The following FRMD4A variants were observed in gnomAD, a reference collection of about 807,000 sequenced individuals.
FRMD4A encodes the protein FERM domain containing 4A, also known as FERM domain-containing protein 4A.
In FRMD4A, 29 loss-of-function variants were observed where a neutral mutation model predicts 129.1. The ratio of observed to expected loss-of-function variants is 0.22; its 90% CI spans 0.17 to 0.31. The LOEUF (loss-of-function observed/expected upper bound fraction) is 0.31, where lower values mean the gene tolerates loss of function less well. FRMD4A is among the 10% of genes least tolerant of loss of function. The pLI is 1.00. For synonymous variants in FRMD4A, 634 were observed against 571.6 expected, an observed-to-expected ratio of 1.11 and a Z score of -1.56; for missense variants, 1,272 against 1,375.8, an observed-to-expected ratio of 0.92 and a Z score of 1.19.
At chr10:14,107,867 T>C (rs922893535) in intron 2 of FRMD4A, among the ~76,000 whole-genome samples, 5 of 152,230 alleles carry the variant, frequency 3.3e-5, no homozygotes, top group African/African-American at 1.2e-4. Flanking sequence ...TTTTGGGTTA[T>C]TCCAGGTTGC....
At chr10:14,243,475 T>C (rs1486558488) in intron 2 of FRMD4A, among the ~76,000 whole-genome samples, 2 of 152,170 alleles carry the variant, frequency 1.3e-5, no homozygotes, top group African/African-American at 2.4e-5. Context: ...ATCAAACCTC[T>C]TTTTTTAAAT....
chr10:13,685,748 G>C, intron 15 of FRMD4A: 1 of 409,634 alleles, frequency 2.4e-6, no homozygotes, highest in Non-Finnish European at 3.3e-6. Context: ...TTTGAGGCTG[G>C]AGTGAGCTAG....
At chr10:13,876,248 A>G (rs2094488129) in intron 2 of FRMD4A, among the ~76,000 whole-genome samples, 1 of 152,216 alleles carries the variant, frequency 6.6e-6, no homozygotes, top group Non-Finnish European at 1.5e-5. Context: ...TTCCAAGAAA[A>G]TATATTCATT....
At chr10:13,815,757 A>G (rs2093532283) in intron 3 of FRMD4A, among the ~76,000 whole-genome samples, 1 of 152,160 alleles carries the variant, frequency 6.6e-6, no homozygotes, top group African/African-American at 2.4e-5. Flanking sequence ...GACATTATGG[A>G]TTTATACATC....
chr10:14,081,722 C>G (rs1835939933), intron 2 of FRMD4A, among the ~76,000 whole-genome samples: 1 of 152,182 alleles, frequency 6.6e-6, no homozygotes. Flanking sequence ...TTGATCCCTG[C>G]TGCCCTCCTA....
intron 6 of FRMD4A, among the ~76,000 whole-genome samples, chr10:13,780,107 A>C (rs769461628): frequency 7.2e-5 from 11 of 152,254 alleles, no homozygotes; most frequent in Non-Finnish European, 1.3e-4. Context: ...GGATGGATCA[A>C]CTTGAGGTCA....
At chr10:13,779,476 C>T (rs1358163941) in intron 6 of FRMD4A, among the ~76,000 whole-genome samples, 1 of 152,186 alleles carries the variant, frequency 6.6e-6, no homozygotes, top group Non-Finnish European at 1.5e-5. Flanking sequence ...GAATGCACTA[C>T]CCTTAAATTC....
chr10:13,670,194 G>A (rs947078746), intron 17 of FRMD4A, among the ~76,000 whole-genome samples: 2 of 152,142 alleles, frequency 1.3e-5, no homozygotes, highest in Non-Finnish European at 2.9e-5. Flanking sequence ...AAGCAACTTC[G>A]ACAGACACCC....
chr10:14,166,772 G>A (rs1210627094), intron 2 of FRMD4A, among the ~76,000 whole-genome samples: 1 of 152,200 alleles, frequency 6.6e-6, no homozygotes, highest in Non-Finnish European at 1.5e-5. Context: ...TTCACTCTGT[G>A]GAATTTGCCC....
At chr10:13,734,211 C>T (rs1000262195) in intron 12 of FRMD4A, among the ~76,000 whole-genome samples, 2 of 152,292 alleles carry the variant, frequency 1.3e-5, no homozygotes, top group South Asian at 2.1e-4. Context: ...CATCTTGGTT[C>T]CCCTTCTCCA....
At chr10:13,947,843 T>A (rs947239938) in intron 2 of FRMD4A, among the ~76,000 whole-genome samples, 5 of 152,100 alleles carry the variant, frequency 3.3e-5, no homozygotes, top group African/African-American at 1.2e-4. Context: ...AACTCTGTCC[T>A]GTCCTTTTCA....
intron 19 of FRMD4A, among the ~76,000 whole-genome samples, chr10:13,661,922 C>T (rs2082670356): frequency 6.6e-6 from 1 of 152,198 alleles, no homozygotes; most frequent in Non-Finnish European, 1.5e-5. Context: ...CCCACTCCTC[C>T]TTTGCCCTCA....
chr10:13,818,865 C>T (rs2093586950), intron 3 of FRMD4A, among the ~76,000 whole-genome samples: 1 of 152,180 alleles, frequency 6.6e-6, no homozygotes, highest in Non-Finnish European at 1.5e-5. Flanking sequence ...GTGGCTCACG[C>T]CTATAATCCC....
chr10:13,835,882 C>T (rs1180257381), intron 3 of FRMD4A, among the ~76,000 whole-genome samples: 1 of 152,174 alleles, frequency 6.6e-6, no homozygotes, highest in Non-Finnish European at 1.5e-5. Flanking sequence ...TTCCTTCAAA[C>T]AGGTCCCTGG....
chr10:13,664,001 A>C (rs746829600), intron 18 of FRMD4A, among the ~76,000 whole-genome samples: 8 of 152,262 alleles, frequency 5.3e-5, no homozygotes, highest in Non-Finnish European at 1.0e-4. Flanking sequence ...AGCGTGCTAA[A>C]TACAGGCTCC....
intron 2 of FRMD4A, among the ~76,000 whole-genome samples, chr10:14,235,413 G>C (rs978695848): frequency 1.3e-5 from 2 of 152,072 alleles, no homozygotes. Flanking sequence ...CTCCCAAAGT[G>C]CTGGGATTAC....
At chr10:14,299,007 G>A (rs936852720) in intron 2 of FRMD4A, among the ~76,000 whole-genome samples, 1 of 152,206 alleles carries the variant, frequency 6.6e-6, no homozygotes, top group Non-Finnish European at 1.5e-5. Context: ...GATGACCAAA[G>A]TTTCCCATTT....
chr10:14,121,448 A>G (rs189770360), intron 2 of FRMD4A, among the ~76,000 whole-genome samples: 160 of 152,312 alleles, frequency 1.1e-3, no homozygotes, highest in Admixed American at 1.8e-3. Context: ...GGGCCTGGAA[A>G]TTTTGCATTT....
intron 2 of FRMD4A, among the ~76,000 whole-genome samples, chr10:14,151,628 G>A (rs1339129417): frequency 6.6e-6 from 1 of 152,028 alleles, no homozygotes; most frequent in Non-Finnish European, 1.5e-5. Context: ...GCAAGGACAT[G>A]TACCCTCTAA....
Sources: gnomAD v4.1 joint callset for allele counts (sites outside exome capture counted in the v4.1 genomes callset) on GRCh38, gnomAD v4.1.1 for gene constraint, MANE v1.5 for transcripts, NCBI Gene and HGNC (gene_info 2026-07-23, HGNC 2026-07-21) for gene names.